BICDL1: variants seen among roughly 807,000 people sequenced by gnomAD.
The protein encoded by BICDL1 is BICD family like cargo adaptor 1, also known as BICD family-like cargo adapter 1.
In BICDL1, 20 loss-of-function variants were observed where a neutral mutation model predicts 76.8. The observed-to-expected ratio is 0.26, with a 90% CI of 0.18 to 0.38. The LOEUF (loss-of-function observed/expected upper bound fraction) is 0.38, where lower values mean the gene tolerates loss of function less well. Among genes scored for constraint, BICDL1 ranks in the 10% least tolerant of loss-of-function variants. The pLI is 1.00. For synonymous variants in BICDL1, 383 were observed against 337.1 expected, an observed-to-expected ratio of 1.14 and a Z score of -1.49; for missense variants, 700 against 798.6, an observed-to-expected ratio of 0.88 and a Z score of 1.49.
chr12:120,090,707 A>G, intron 9 of BICDL1: 1 of 373,584 alleles, frequency 2.7e-6, no homozygotes, highest in South Asian at 2.0e-5. Context: ...CAGACAGATG[A>G]AAAGCCGTCT....
At chr12:120,056,701 A>G (rs1952980831) in intron 2 of BICDL1, among the ~76,000 whole-genome samples, 1 of 151,912 alleles carries the variant, frequency 6.6e-6, no homozygotes, top group Admixed American at 6.6e-5. Flanking sequence ...TGGGTGACAG[A>G]GCGAGACTCC....
At chr12:119,998,859 A>C in intron 2 of BICDL1, 123 bp downstream of exon 2, 1 of 862,828 alleles carries the variant, frequency 1.2e-6, no homozygotes, top group Non-Finnish European at 1.8e-6. Context: ...ACTTCAGACC[A>C]ATCTGGGCAA....
At chr12:119,991,001 G>A (rs1033551969) in intron 1 of BICDL1, among the ~76,000 whole-genome samples, 1 of 152,166 alleles carries the variant, frequency 6.6e-6, no homozygotes, top group Non-Finnish European at 1.5e-5. Flanking sequence ...TTTAACTTCT[G>A]TTATAAAATA....
intron 7 of BICDL1, among the ~76,000 whole-genome samples, chr12:120,075,497 A>G (rs201351522): frequency 1.3e-5 from 2 of 151,924 alleles, no homozygotes; most frequent in East Asian, 1.9e-4. Flanking sequence ...GGCTCAAGCA[A>G]TCCTTCCACC....
chr12:120,023,751 C>G (rs751757703), intron 2 of BICDL1, among the ~76,000 whole-genome samples: 1 of 150,830 alleles, frequency 6.6e-6, no homozygotes, highest in African/African-American at 2.4e-5. Context: ...GATCGTACCA[C>G]TGCACTCCAG....
At chr12:120,003,794 C>T (rs1028377388) in intron 2 of BICDL1, among the ~76,000 whole-genome samples, 1 of 152,136 alleles carries the variant, frequency 6.6e-6, no homozygotes, top group South Asian at 2.1e-4. Flanking sequence ...AGTTACAGAG[C>T]GATTGGTTCT....
At chr12:120,066,674 A>G (rs560511924) in intron 4 of BICDL1, among the ~76,000 whole-genome samples, 40 of 152,322 alleles carry the variant, frequency 2.6e-4, no homozygotes, top group African/African-American at 9.4e-4. Context: ...GAAAATCTGC[A>G]TTTATAGGCT....
Position 120,025,390 on chromosome 12 carries a change from G to C in BICDL1, c.645+26654G>C, listed in dbSNP as rs574820358. On this transcript the variant is annotated intron_variant, in intron 2 of 9. Coordinates refer to ENST00000548673, the MANE Select transcript of BICDL1 (RefSeq NM_001367886.1). ...TAGTACAGGGAACTGGAGGGACAGT[G>C]TAGGAGACAGAAGCTCTTGTTTCTG... Among the ~76,000 whole-genome samples, 9 of 152,282 alleles carry C rather than the reference G, an allele frequency of 5.9e-5. No homozygotes were observed. In the South Asian group the frequency reaches 1.5e-3, roughly 25 times the overall value.
intron 3 of BICDL1, 95 bp from the exon 4 acceptor site, chr12:120,064,638 G>A: frequency 7.9e-7 from 1 of 1,270,130 alleles, no homozygotes; most frequent in Non-Finnish European, 1.1e-6. Context: ...AATACTGAAA[G>A]ATACTTGCCT....
intron 2 of BICDL1, among the ~76,000 whole-genome samples, chr12:120,013,218 G>T (rs1359473533): frequency 2.6e-5 from 4 of 151,528 alleles, no homozygotes; most frequent in Non-Finnish European, 4.4e-5. Context: ...GAAGGCTGAG[G>T]CAGGAGAATC....
At position 119,989,949 on chromosome 12, in the gene BICDL1, C is replaced by G. The variant is rs1382907227; in HGVS notation, c.81C>G (p.Pro27=). The part of the protein sequence containing the change: ...EPDSACCMEL[P]AAAGDAVRSP... The stretch of plus-strand genomic sequence containing the variant: ...ACAGCGCCTGCTGCATGGAGCTGCC[C>G]GCCGCGGCCGGGGACGCAGTCCGGA... Residue 27 remains proline, a synonymous_variant, in exon 1 of 10, where the codon CCC becomes CCG. Coordinates refer to ENST00000548673, the MANE Select transcript of BICDL1 (RefSeq NM_001367886.1). 2 of 1,465,474 alleles carry G rather than the reference C, an allele frequency of 1.4e-6. No individual in the cohort carries two copies. Among genetic ancestry groups the G allele is most frequent in the Non-Finnish European group, 1.8e-6 (2 of 1,123,430 alleles). 90.8% of individuals were successfully genotyped at this position (1,465,474 alleles called of 1,614,324 possible). A position where few individuals can be genotyped will look rare whatever the true frequency, so the allele number is the denominator to read the frequency against.
At chr12:120,058,206 T>C (rs1428449584) in intron 2 of BICDL1, among the ~76,000 whole-genome samples, 1 of 152,236 alleles carries the variant, frequency 6.6e-6, no homozygotes, top group Admixed American at 6.5e-5. Context: ...TGCATATCCC[T>C]GGGCATAGTT....
rs562462977 is a variant in BICDL1, at chr12:120,094,114, G to A, written c.*953G>A. 18 of 429,548 alleles carry A rather than the reference G, an allele frequency of 4.2e-5. No individual in the cohort carries two copies. The highest frequency in any genetic ancestry group is 6.6e-5 in the Non-Finnish European group (14 of 212,228). 26.6% of individuals were successfully genotyped at this position (429,548 alleles called of 1,614,324 possible). ...GGGTGGAGGGGAGGGGGAGGCTGCC[G>A]GAAGCCTCCAGATGCTGCCTGCCTG... On this transcript the variant is annotated 3_prime_UTR_variant, in exon 10 of 10. Coordinates refer to ENST00000548673, the MANE Select transcript of BICDL1 (RefSeq NM_001367886.1).
At chr12:120,026,332 C>G (rs577018824) in intron 2 of BICDL1, among the ~76,000 whole-genome samples, 1 of 152,052 alleles carries the variant, frequency 6.6e-6, no homozygotes, top group African/African-American at 2.4e-5. Flanking sequence ...AAAATGTTAA[C>G]ATTAACAGTT....
Position 120,079,390 on chromosome 12 carries a change from A to C in BICDL1, c.1453-1497A>C, listed in dbSNP as rs1290633055. On this transcript the variant is annotated intron_variant, in intron 7 of 9. Coordinates refer to ENST00000548673, the MANE Select transcript of BICDL1 (RefSeq NM_001367886.1). The surrounding 1 kb of genome is among the most constrained non-coding windows in gnomAD (Gnocchi z 4.3). ...AGCCTTACACCTGGGGCCTTTGCTCAGTTTCATTCTAGCTGAAGAGGATTA... is the reference window on the plus strand; with the variant it reads ...AGCCTTACACCTGGGGCCTTTGCTCCGTTTCATTCTAGCTGAAGAGGATTA... Among the ~76,000 whole-genome samples, 1 of 152,192 alleles carries C rather than the reference A, an allele frequency of 6.6e-6. No homozygotes were observed. The highest frequency in any genetic ancestry group is 2.4e-5 in the African/African-American group (1 of 41,434).
intron 8 of BICDL1, 57 bp downstream of exon 8, chr12:120,081,074 G>GC (rs1214525556): frequency 6.5e-7 from 1 of 1,542,592 alleles, no homozygotes; most frequent in Non-Finnish European, 8.9e-7. Flanking sequence ...ATAGAATTGA[G>GC]CATATGCTCA....
chr12:120,036,170 A>G (rs1952527228), intron 2 of BICDL1, among the ~76,000 whole-genome samples: 1 of 152,248 alleles, frequency 6.6e-6, no homozygotes, highest in Non-Finnish European at 1.5e-5. Context: ...TCTGGTGCAC[A>G]TAAGCACACA....
chr12:120,015,681 A>G (rs1196157261), intron 2 of BICDL1, among the ~76,000 whole-genome samples: 2 of 152,148 alleles, frequency 1.3e-5, no homozygotes, highest in African/African-American at 4.8e-5. Flanking sequence ...AGCTAAGCAT[A>G]TGTTACTTAG....
intron 1 of BICDL1, among the ~76,000 whole-genome samples, chr12:119,991,869 CAAAA>C (rs777642031): frequency 1.3e-5 from 2 of 151,634 alleles, no homozygotes; most frequent in Non-Finnish European, 2.9e-5. Flanking sequence ...AGAATGGTAA[CAAAA>C]AAAGGTTGTA....
Sources: allele counts gnomAD v4.1 joint callset (sites outside exome capture counted in the v4.1 genomes callset), GRCh38; gene constraint gnomAD v4.1.1; non-coding constraint Gnocchi (gnomAD v3.1); transcripts MANE v1.5; gene names NCBI Gene and HGNC (gene_info 2026-07-23, HGNC 2026-07-21).